Variants in FAM118B observed in about 807,000 individuals in gnomAD.
The protein encoded by FAM118B is protein FAM118B.
FAM118B carries 24 observed loss-of-function variants against 38.5 expected under a neutral mutation model. That is an observed-to-expected ratio of 0.62 (90% CI 0.45 to 0.88). The LOEUF (loss-of-function observed/expected upper bound fraction) is 0.88, where lower values mean the gene tolerates loss of function less well. FAM118B is among the 40% of genes least tolerant of loss of function. The probability of loss-of-function intolerance (pLI) is 0.00; values close to 1 mark genes in which losing one functional copy is unlikely to be tolerated. For missense variants in FAM118B, 334 were observed against 420.0 expected (o/e 0.80, Z 1.79); for synonymous variants, 138 against 156.3 (o/e 0.88, Z 0.87).
intron 1 of FAM118B, among the ~76,000 whole-genome samples, chr11:126,226,488 G>T (rs1806571030): frequency 6.6e-6 from 1 of 151,804 alleles, no homozygotes; most frequent in Non-Finnish European, 1.5e-5. Context: ...GGCCAGAAAG[G>T]AACGTGGCGC....
At position 126,230,039 on chromosome 11, in the gene FAM118B, G is replaced by A. The variant is rs1950188248; in HGVS notation, c.-8+746G>A. ...GGTAGAGGGTCTCAGGCATGCTAAG[G>A]GATAAAATTAGGAGCCAATCGAGTT... On this transcript the variant is annotated intron_variant, in intron 2 of 8. Coordinates refer to ENST00000533050, the MANE Select transcript of FAM118B (RefSeq NM_024556.4). 3.9e-5 allele frequency among the ~76,000 whole-genome samples: 6 copies of A among 152,074 alleles called. No homozygotes were observed. In the South Asian group the frequency reaches 1.2e-3, roughly 31 times the overall value.
At chr11:126,233,096 T>C (rs1950228417) in intron 2 of FAM118B, among the ~76,000 whole-genome samples, 1 of 152,218 alleles carries the variant, frequency 6.6e-6, no homozygotes, top group African/African-American at 2.4e-5. Context: ...CTGGAGAATC[T>C]GATTCTGTAA....
intron 1 of FAM118B, among the ~76,000 whole-genome samples, chr11:126,221,477 A>T (rs936351476): frequency 6.6e-6 from 1 of 152,136 alleles, no homozygotes; most frequent in African/African-American, 2.4e-5. Flanking sequence ...ATAACTTAGG[A>T]TAAGGAGCAG....
At chr11:126,237,215 CTTTTTTTTT>C (rs34631802) in intron 3 of FAM118B, among the ~76,000 whole-genome samples, 1 of 43,100 alleles carries the variant, frequency 2.3e-5, no homozygotes, top group Non-Finnish European at 4.0e-5. Flanking sequence ...CGCGCCTGGC[CTTTTTTTTT>C]TTTTTTTTTT....
intron 8 of FAM118B, 84 bp from the exon 9 acceptor site, chr11:126,262,036 G>A (rs1950711774): frequency 7.4e-7 from 1 of 1,355,840 alleles, no homozygotes; most frequent in Admixed American, 1.7e-5. Context: ...TGAAGGGTTA[G>A]GATTGACTTA....
Position 126,253,960 on chromosome 11 carries a change from G to A in FAM118B, c.568-345G>A, listed in dbSNP as rs1364759914. Among the ~76,000 whole-genome samples, 2 of 152,208 alleles carry A rather than the reference G, an allele frequency of 1.3e-5. No individual in the cohort carries two copies. The highest frequency in any genetic ancestry group is 4.8e-5 in the African/African-American group (2 of 41,462). On this transcript the variant is annotated intron_variant, in intron 5 of 8. Transcript: ENST00000533050. This position sits in a 1 kb window ranked among gnomAD's most constrained non-coding sequence, Gnocchi z 5.1. Reference sequence around the variant, plus strand: ...CGAAGAGGGGCCACACAAGGGCCTGGATACAGAGGCTTGATTTCTTGGGGC... The same window carrying A: ...CGAAGAGGGGCCACACAAGGGCCTGAATACAGAGGCTTGATTTCTTGGGGC...
At position 126,256,773 on chromosome 11, in the gene FAM118B, C is replaced by G. The variant is rs1313095484; in HGVS notation, c.903C>G (p.Ile301Met). The G allele has an allele frequency of 6.2e-7, 1 of 1,614,090 alleles. No homozygotes were observed. Among genetic ancestry groups the G allele is most frequent in the Non-Finnish European group, 8.5e-7 (1 of 1,179,990 alleles). ...ENMLDKGIKV[I>M]SYGDDYADLP... The stretch of plus-strand genomic sequence containing the variant: ...TGCTGGACAAGGGGATTAAAGTCAT[C>G]TCCTATGGAGATGACTATGCCGATC... The change falls in exon 7 of 9, where the codon ATC becomes ATG. Residue 301 changes from isoleucine to methionine, a missense_variant. Physicochemically the swap from Ile to Met is conservative, Grantham distance 10 (BLOSUM62 1). Transcript: ENST00000533050. The surrounding 1 kb of genome is among the most constrained non-coding windows in gnomAD (Gnocchi z 6.6).
At chr11:126,246,863 TC>T (rs1950425250) in intron 4 of FAM118B, among the ~76,000 whole-genome samples, 1 of 152,182 alleles carries the variant, frequency 6.6e-6, no homozygotes, top group African/African-American at 2.4e-5. Flanking sequence ...CTACTGAGCC[TC>T]CCTGTTTATG....
At chr11:126,219,884 G>C (rs992441485) in intron 1 of FAM118B, among the ~76,000 whole-genome samples, 1 of 150,958 alleles carries the variant, frequency 6.6e-6, no homozygotes, top group Non-Finnish European at 1.5e-5. Context: ...AGCTCGAGCT[G>C]CTTGAGTTTT....
At chr11:126,221,979 A>G (rs1371911235) in intron 1 of FAM118B, among the ~76,000 whole-genome samples, 1 of 152,070 alleles carries the variant, frequency 6.6e-6, no homozygotes, top group African/African-American at 2.4e-5. Context: ...ACATGTTGTA[A>G]AGGTTTGTTT....
chr11:126,217,497 G>GC (rs1428301708), intron 1 of FAM118B, among the ~76,000 whole-genome samples: 1 of 152,110 alleles, frequency 6.6e-6, no homozygotes, highest in East Asian at 1.9e-4. Flanking sequence ...GTGTAGGTTG[G>GC]CCTTCACCTG....
rs1397779683 is a variant in FAM118B, at chr11:126,255,643, C to T, written c.697-924C>T. ...ATGGAAGGATTAAGATATATGAAGA[C>T]CTACTCTTTGCACAATGACCTCTGG... is the stretch of plus-strand genomic sequence containing the variant. On this transcript the variant is annotated intron_variant, in intron 6 of 8. Transcript: ENST00000533050. The surrounding 1 kb of genome is among the most constrained non-coding windows in gnomAD (Gnocchi z 4.6). 6.6e-6 allele frequency among the ~76,000 whole-genome samples: 1 copy of T among 152,156 alleles called. No homozygotes were observed. Among genetic ancestry groups the T allele is most frequent in the African/African-American group, 2.4e-5 (1 of 41,440 alleles).
intron 1 of FAM118B, among the ~76,000 whole-genome samples, chr11:126,223,902 T>C (rs1398644281): frequency 6.6e-6 from 1 of 152,248 alleles, no homozygotes; most frequent in South Asian, 2.1e-4. Context: ...GTTAGGACGA[T>C]TGGCATATCC....
chr11:126,249,745 A>G (rs1950471227), intron 4 of FAM118B, among the ~76,000 whole-genome samples: 1 of 150,312 alleles, frequency 6.7e-6, no homozygotes, highest in Admixed American at 6.6e-5. Flanking sequence ...AAAAAAAAAA[A>G]AAAAAAAAAG....
chr11:126,211,765 G>T (rs1215729864), upstream of FAM118B: 2 of 1,099,572 alleles, frequency 1.8e-6, no homozygotes, highest in Admixed American at 2.5e-5. Flanking sequence ...TGGGGACGGT[G>T]CGCGCTCAGT....
intron 7 of FAM118B, among the ~76,000 whole-genome samples, chr11:126,258,327 C>T (rs1950613219): frequency 6.6e-6 from 1 of 152,140 alleles, no homozygotes; most frequent in South Asian, 2.1e-4. Flanking sequence ...TTGGAGTCTG[C>T]AGTGAGCTAT....
chr11:126,247,232 C>T (rs1359035641), intron 4 of FAM118B, among the ~76,000 whole-genome samples: 1 of 152,122 alleles, frequency 6.6e-6, no homozygotes, highest in Non-Finnish European at 1.5e-5. Context: ...GTCAAGGCTG[C>T]AATGAGCCAC....
intron 2 of FAM118B, among the ~76,000 whole-genome samples, chr11:126,231,673 A>G (rs934701060): frequency 2.0e-5 from 3 of 152,230 alleles, no homozygotes; most frequent in African/African-American, 7.2e-5. Flanking sequence ...TTAAAGTAAT[A>G]GTAGTTGGAA....
intron 1 of FAM118B, among the ~76,000 whole-genome samples, chr11:126,223,434 T>G (rs964926944): frequency 1.3e-5 from 2 of 151,626 alleles, no homozygotes; most frequent in Non-Finnish European, 2.9e-5. Flanking sequence ...CCATCTCTAC[T>G]AAAAATACAA....
Sources: gnomAD v4.1 joint callset for allele counts (sites outside exome capture counted in the v4.1 genomes callset) on GRCh38, gnomAD v4.1.1 for gene constraint, Gnocchi (gnomAD v3.1) non-coding constraint, MANE v1.5 for transcripts, NCBI Gene and HGNC (gene_info 2026-07-23, HGNC 2026-07-21) for gene names.